The following ADARB1 variants were observed in gnomAD, a reference collection of about 807,000 sequenced individuals.
ADARB1 encodes the protein double-stranded RNA-specific editase 1.
ADARB1 carries 10 observed loss-of-function variants against 52.4 expected under a neutral mutation model. That is an observed-to-expected ratio of 0.19 (90% CI 0.12 to 0.32). The LOEUF is 0.32. ADARB1 is among the 10% of genes least tolerant of loss of function. ADARB1 has a pLI of 1.00. For synonymous variants in ADARB1, 349 were observed against 371.1 expected (o/e 0.94, Z 0.68); for missense variants, 643 against 922.3 (o/e 0.70, Z 3.92).
At chr21:45,105,199 C>A (rs2087195766) in intron 1 of ADARB1, among the ~76,000 whole-genome samples, 1 of 152,146 alleles carries the variant, frequency 6.6e-6, no homozygotes. Context: ...CTCCTGGGGT[C>A]AAGCAATTCT....
intron 1 of ADARB1, among the ~76,000 whole-genome samples, chr21:45,123,529 T>A (rs1293413412): frequency 6.6e-6 from 1 of 152,218 alleles, no homozygotes; most frequent in East Asian, 1.9e-4. Flanking sequence ...GTTCTTGAAC[T>A]CTTGGGCTCA....
At position 45,223,455 on chromosome 21, in the gene ADARB1, C is replaced by T. The variant is rs1435445676; in HGVS notation, c.*1258C>T. The T allele has an allele frequency of 2.0e-6, 2 of 985,590 alleles. No individual in the cohort carries two copies. Among genetic ancestry groups the T allele is most frequent in the African/African-American group, 1.7e-5 (1 of 57,244 alleles). 61.1% of individuals were successfully genotyped at this position (985,590 alleles called of 1,614,324 possible). A position where few individuals can be genotyped will look rare whatever the true frequency, so the allele number is the denominator to read the frequency against. On this transcript the variant is annotated 3_prime_UTR_variant, in exon 11 of 11. Coordinates refer to ENST00000348831, the MANE Select transcript of ADARB1 (RefSeq NM_001112.4). The stretch of plus-strand genomic sequence containing the variant: ...GGCGAGGGCCCTGTGTGGACCACCT[C>T]CACCAAGCTCAGAGATTTGCACCAG...
chr21:45,087,449 G>GAC (rs1190096168), intron 1 of ADARB1, among the ~76,000 whole-genome samples: 1 of 152,160 alleles, frequency 6.6e-6, no homozygotes, highest in Non-Finnish European at 1.5e-5. Flanking sequence ...GATGCAGGAA[G>GAC]ACACACGCTC....
At position 45,221,116 on chromosome 21, in the gene ADARB1, C is replaced by A; in HGVS notation, c.1926+102C>A. On this transcript the variant is annotated intron_variant, in intron 10 of 10. Coordinates refer to ENST00000348831, the MANE Select transcript of ADARB1 (RefSeq NM_001112.4). The surrounding 1 kb of genome is among the most constrained non-coding windows in gnomAD (Gnocchi z 4.9). The stretch of plus-strand genomic sequence containing the variant: ...TAAGTTGTTTCATCATGTCATCATG[C>A]ACAGCTTCCGAAAACGATCACTTGG... The A allele has an allele frequency of 7.6e-7, 1 of 1,311,220 alleles. No individual in the cohort carries two copies. The highest frequency in any genetic ancestry group is 2.4e-5 in the Admixed American group (1 of 41,934). The allele number at this position is 1,311,220 out of a possible 1,614,324, so 81.2% of individuals were successfully genotyped here.
intron 1 of ADARB1, among the ~76,000 whole-genome samples, chr21:45,093,528 C>T (rs756820409): frequency 1.3e-5 from 2 of 152,212 alleles, no homozygotes; most frequent in African/African-American, 4.8e-5. Flanking sequence ...CCGCCTCTTG[C>T]GTTTCATGCT....
intron 8 of ADARB1, among the ~76,000 whole-genome samples, chr21:45,189,093 C>T (rs2092205639): frequency 6.6e-6 from 1 of 152,184 alleles, no homozygotes; most frequent in Admixed American, 6.5e-5. Context: ...CGATTACCTC[C>T]CACTGGGTCC....
At chr21:45,212,660 A>G (rs1042906788) in intron 9 of ADARB1, among the ~76,000 whole-genome samples, 1 of 152,138 alleles carries the variant, frequency 6.6e-6, no homozygotes, top group Non-Finnish European at 1.5e-5. Flanking sequence ...GCATGAGGAC[A>G]TGATCTTGGC....
chr21:45,188,138 G>A (rs539341969), intron 8 of ADARB1, among the ~76,000 whole-genome samples: 7 of 151,892 alleles, frequency 4.6e-5, no homozygotes, highest in Admixed American at 3.9e-4. Context: ...ATGGAGTCTC[G>A]CTCTGTCACC....
intron 1 of ADARB1, among the ~76,000 whole-genome samples, chr21:45,116,509 TTGTATC>T (rs1249322319): frequency 5.3e-5 from 8 of 152,260 alleles, no homozygotes; most frequent in African/African-American, 1.9e-4. Context: ...TATGTTTCCT[TTGTATC>T]TGTATTAGTG....
At position 45,153,041 on chromosome 21, in the gene ADARB1, T is replaced by C. The variant is rs112129219; in HGVS notation, c.-47-18569T>C. ...TTTTTCTCCCAGAGACAGATGCTTA[T>C]ATGAGATTTCCTTTGCCGCACTCTT... On this transcript the variant is annotated intron_variant, in intron 2 of 10. Transcript: ENST00000348831. 1.5e-3 allele frequency among the ~76,000 whole-genome samples: 235 copies of C among 152,336 alleles called. 1 individual carries two copies. The highest frequency in any genetic ancestry group is 5.4e-3 in the African/African-American group (224 of 41,572).
intron 2 of ADARB1, among the ~76,000 whole-genome samples, chr21:45,155,113 T>G (rs749429495): frequency 2.6e-5 from 4 of 152,260 alleles, no homozygotes; most frequent in Non-Finnish European, 4.4e-5. Context: ...CTGTGCTTAG[T>G]CGTGTATGCA....
At chr21:45,190,381 T>G (rs1456796903) in intron 8 of ADARB1, among the ~76,000 whole-genome samples, 1 of 152,210 alleles carries the variant, frequency 6.6e-6, no homozygotes, top group African/African-American at 2.4e-5. Flanking sequence ...CTCTTCTAGC[T>G]CATTAGGCAT....
In ADARB1 at chr21:45,223,415, G is replaced by A. The variant is rs2092999344; in HGVS notation, c.*1218G>A. On this transcript the variant is annotated 3_prime_UTR_variant, in exon 11 of 11. Transcript: ENST00000348831. The stretch of plus-strand genomic sequence containing the variant: ...ACGACAGAGGGAGTCAGCCCGGGAG[G>A]TCAGGAGCGCGGCGGGCGAGGGCCC... 1 of 985,858 alleles carries A rather than the reference G, an allele frequency of 1.0e-6. No homozygotes were observed. Among genetic ancestry groups the A allele is most frequent in the Non-Finnish European group, 1.2e-6 (1 of 830,236 alleles). The allele number at this position is 985,858 out of a possible 1,614,324, so 61.1% of individuals were successfully genotyped here. A position where few individuals can be genotyped will look rare whatever the true frequency, so the allele number is the denominator to read the frequency against.
intron 2 of ADARB1, among the ~76,000 whole-genome samples, chr21:45,156,138 TATC>T (rs2090591063): frequency 8.0e-6 from 1 of 125,288 alleles, no homozygotes; most frequent in Non-Finnish European, 1.6e-5. Flanking sequence ...CATCATCACC[TATC>T]ATCCATCATC....
chr21:45,211,837 G>C (rs1045456192), intron 9 of ADARB1, among the ~76,000 whole-genome samples: 1 of 152,176 alleles, frequency 6.6e-6, no homozygotes. Context: ...GGAAAGATAA[G>C]CATCTCACTC....
rs1414078456 is a variant in ADARB1, at chr21:45,175,803, G to T, written c.102G>T (p.Gly34=). ...CCCCCAAGGATGGCAGCACACCTGG[G>T]CCTGGCGAGGGCTCTCAGCTCTCCA... is the stretch of plus-strand genomic sequence containing the variant. ...NVSPKDGSTP[G]PGEGSQLSNG... Residue 34 remains glycine, a synonymous_variant, in exon 4 of 11, where the codon GGG becomes GGT. Coordinates refer to ENST00000348831, the MANE Select transcript of ADARB1 (RefSeq NM_001112.4). 1.9e-6 allele frequency: 3 copies of T among 1,614,064 alleles called. No homozygotes were observed. In the African/African-American group the frequency reaches 4.0e-5, roughly 22 times the overall value.
intron 1 of ADARB1, among the ~76,000 whole-genome samples, chr21:45,089,989 T>A: frequency 6.6e-6 from 1 of 152,226 alleles, no homozygotes; most frequent in East Asian, 1.9e-4. Flanking sequence ...GCAGGCTGCA[T>A]CTCGTTGTTG....
At chr21:45,218,046 C>A (rs1436911764) in intron 9 of ADARB1, among the ~76,000 whole-genome samples, 1 of 151,984 alleles carries the variant, frequency 6.6e-6, no homozygotes, top group Admixed American at 6.6e-5. Context: ...ATTCATGTTT[C>A]TTGTGCTTGG....
intron 2 of ADARB1, among the ~76,000 whole-genome samples, chr21:45,166,257 A>G (rs2091252259): frequency 6.6e-6 from 1 of 152,212 alleles, no homozygotes; most frequent in East Asian, 1.9e-4. Context: ...AAAGAATAAT[A>G]TAACAATCAT....
Sources: gnomAD v4.1 joint callset for allele counts (sites outside exome capture counted in the v4.1 genomes callset) on GRCh38, gnomAD v4.1.1 for gene constraint, Gnocchi (gnomAD v3.1) non-coding constraint, MANE v1.5 for transcripts, NCBI Gene and HGNC (gene_info 2026-07-23, HGNC 2026-07-21) for gene names.